The following GIGYF2 variants were observed in gnomAD, a reference collection of about 807,000 sequenced individuals.
GIGYF2 encodes the protein GRB10 interacting GYF protein 2.
In GIGYF2, 25 loss-of-function variants were observed where a neutral mutation model predicts 208.1. The observed-to-expected ratio is 0.12, with a 90% CI of 0.09 to 0.17. The LOEUF is 0.17. GIGYF2 is among the 10% of genes least tolerant of loss of function. GIGYF2 has a pLI of 1.00. For synonymous variants in GIGYF2, 534 were observed against 543.8 expected, an observed-to-expected ratio of 0.98 and a Z score of 0.25; for missense variants, 1,302 against 1,579.4, an observed-to-expected ratio of 0.82 and a Z score of 2.98.
chr2:232,740,771 C>T (rs867347455), intron 3 of GIGYF2, among the ~76,000 whole-genome samples: 19 of 152,058 alleles, frequency 1.2e-4, no homozygotes, highest in Middle Eastern at 6.8e-3. Flanking sequence ...AGCTTCCTAT[C>T]GATAATTATG....
At chr2:232,807,709 C>T (rs538424804) in intron 15 of GIGYF2, among the ~76,000 whole-genome samples, 14 of 152,204 alleles carry the variant, frequency 9.2e-5, no homozygotes, top group African/African-American at 2.9e-4. Context: ...TGTCTGGTGA[C>T]GGGCTGTAGT....
At chr2:232,850,466 T>G (rs933318347) in intron 28 of GIGYF2, 57 bp downstream of exon 28, 60 of 1,483,988 alleles carry the variant, frequency 4.0e-5, no homozygotes, top group Admixed American at 6.8e-5. Context: ...ATACCAGTTA[T>G]CCTGTGTGAG....
chr2:232,739,936 C>CGAA (rs1245303344), intron 3 of GIGYF2, among the ~76,000 whole-genome samples: 1 of 48,334 alleles, frequency 2.1e-5, no homozygotes, highest in East Asian at 5.7e-4. Context: ...CCCATCTCTG[C>CGAA]TAAAAAAAAA....
At chr2:232,817,066 T>G in intron 20 of GIGYF2, 34 bp downstream of exon 20, 1 of 1,509,346 alleles carries the variant, frequency 6.6e-7, no homozygotes, top group Non-Finnish European at 9.2e-7. Flanking sequence ...ATAGGATTAG[T>G]GCTTGATGAG....
At chr2:232,769,405 C>T (rs1407875256) in intron 8 of GIGYF2, among the ~76,000 whole-genome samples, 2 of 151,444 alleles carry the variant, frequency 1.3e-5, no homozygotes, top group East Asian at 3.9e-4. Flanking sequence ...GTGGCACATG[C>T]CTGTAATCCC....
At chr2:232,731,483 C>T (rs1050310527) in intron 2 of GIGYF2, among the ~76,000 whole-genome samples, 6 of 152,086 alleles carry the variant, frequency 3.9e-5, no homozygotes, top group African/African-American at 1.2e-4. Flanking sequence ...GTGGTAAAAC[C>T]GCTCCTTCAG....
At chr2:232,724,660 C>T (rs1697117803) in intron 2 of GIGYF2, 1 of 152,156 alleles carries the variant, frequency 6.6e-6, no homozygotes, top group East Asian at 1.9e-4. Context: ...AACCATCCTC[C>T]CACCTCAGCC....
chr2:232,784,443 G>A (rs973799347), intron 8 of GIGYF2, among the ~76,000 whole-genome samples: 1 of 137,672 alleles, frequency 7.3e-6, no homozygotes, highest in Non-Finnish European at 1.5e-5. Context: ...AGGCTGGAGA[G>A]CAGTGGCGTG....
chr2:232,782,315 A>G (rs1038919594), intron 8 of GIGYF2, among the ~76,000 whole-genome samples: 8 of 152,136 alleles, frequency 5.3e-5, no homozygotes, highest in Non-Finnish European at 7.4e-5. Context: ...CTCTCTCCTC[A>G]GCCTCCCAAA....
chr2:232,756,621 C>G (rs375977770), intron 6 of GIGYF2, among the ~76,000 whole-genome samples: 1 of 152,260 alleles, frequency 6.6e-6, no homozygotes, highest in East Asian at 1.9e-4. Flanking sequence ...CCTGGAGAGC[C>G]TTACACTCTG....
intron 8 of GIGYF2, among the ~76,000 whole-genome samples, chr2:232,775,900 A>G (rs1338243819): frequency 6.6e-6 from 1 of 152,202 alleles, no homozygotes; most frequent in African/African-American, 2.4e-5. Flanking sequence ...AATTAGGGCA[A>G]ACACTATTGA....
intron 8 of GIGYF2, among the ~76,000 whole-genome samples, chr2:232,784,382 A>ATTTGTTTTTT (rs1360964345): frequency 4.3e-5 from 3 of 70,418 alleles, no homozygotes; most frequent in Non-Finnish European, 7.9e-5. Context: ...ACACGAAATA[A>ATTTGTTTTTT]TTTCTTTTTT....
chr2:232,761,689 A>G (rs2106326642), intron 8 of GIGYF2: 1 of 313,132 alleles, frequency 3.2e-6, no homozygotes, highest in Non-Finnish European at 6.0e-6. Flanking sequence ...GTTAGGAACC[A>G]ATCTACTAAC....
Position 232,847,330 on chromosome 2 carries a change from TC to T in GIGYF2, c.3461-14del, listed in dbSNP as rs773737078. The T allele has an allele frequency of 1.2e-6, 2 of 1,608,600 alleles. No homozygotes were observed. Among genetic ancestry groups the T allele is most frequent in the Admixed American group, 1.7e-5 (1 of 60,016 alleles). On this transcript the variant is annotated splice_polypyrimidine_tract_variant and intron_variant, in intron 26 of 28. Coordinates refer to ENST00000373563, the MANE Select transcript of GIGYF2 (RefSeq NM_001103146.3). ...TTATTTCATTGTTACCCTTATCTTCTCCCCTCCCGTTTTGCAGTTCCCACAT... is the reference window on the plus strand; with the variant it reads ...TTATTTCATTGTTACCCTTATCTTCTCCCTCCCGTTTTGCAGTTCCCACAT...
chr2:232,736,360 G>A (rs1056211), intron 3 of GIGYF2: 11 of 245,624 alleles, frequency 4.5e-5, no homozygotes, highest in African/African-American at 2.5e-4. Context: ...AACATCCATG[G>A]TACACACTGT....
At chr2:232,768,970 T>C (rs1480700597) in intron 8 of GIGYF2, among the ~76,000 whole-genome samples, 1 of 152,220 alleles carries the variant, frequency 6.6e-6, no homozygotes, top group Non-Finnish European at 1.5e-5. Flanking sequence ...GTCAGTCTTA[T>C]TTGCCTGAAG....
At chr2:232,830,054 A>G (rs1321863241) in intron 21 of GIGYF2, among the ~76,000 whole-genome samples, 3 of 152,102 alleles carry the variant, frequency 2.0e-5, no homozygotes, top group Admixed American at 1.3e-4. Flanking sequence ...ATTATAACTC[A>G]CTACAACCTT....
chr2:232,813,525 T>C (rs928883291), intron 18 of GIGYF2, among the ~76,000 whole-genome samples: 3 of 152,158 alleles, frequency 2.0e-5, no homozygotes, highest in Non-Finnish European at 4.4e-5. Flanking sequence ...CTGTTTCTTA[T>C]GGTCTAAATA....
chr2:232,735,080 C>T, intron 2 of GIGYF2, 75 bp from the exon 3 acceptor site: 1 of 739,626 alleles, frequency 1.4e-6, no homozygotes. Flanking sequence ...AAAACACTCT[C>T]TAACTGTACT....
Sources: gnomAD v4.1 joint callset for allele counts (sites outside exome capture counted in the v4.1 genomes callset) on GRCh38, gnomAD v4.1.1 for gene constraint, MANE v1.5 for transcripts, NCBI Gene and HGNC (gene_info 2026-07-23, HGNC 2026-07-21) for gene names.